The following SYTL2 variants were observed in gnomAD, a reference collection of about 807,000 sequenced individuals.
SYTL2 encodes synaptotagmin-like protein 2.
In SYTL2, 165 loss-of-function variants were observed where a neutral mutation model predicts 198.7. That is an observed-to-expected ratio of 0.83 (90% CI 0.73 to 0.94). SYTL2 has a LOEUF of 0.94. Ranked by LOEUF, SYTL2 falls within the 40% of genes least tolerant of loss-of-function variation. The pLI is 0.00. For missense variants in SYTL2, 2,835 were observed against 2,582.8 expected, an observed-to-expected ratio of 1.10 and a Z score of -2.12; for synonymous variants, 966 against 917.7, an observed-to-expected ratio of 1.05 and a Z score of -0.95.
At chr11:85,848,368 C>T in the SYTL2 span, among the ~76,000 whole-genome samples, 18 of 150,870 alleles carry the variant, frequency 1.2e-4, no homozygotes, top group African/African-American at 4.1e-4. Context: ...TTTTTGTGTC[C>T]TATATAACAC....
chr11:85,758,918 A>G (rs1260809334), intron 1 of SYTL2, among the ~76,000 whole-genome samples: 2 of 152,246 alleles, frequency 1.3e-5, no homozygotes, highest in Admixed American at 1.3e-4. Flanking sequence ...TAACAAGTGC[A>G]GTGCTGAACA....
At chr11:85,812,074 C>G (rs1199023491), upstream of SYTL2, among the ~76,000 whole-genome samples, 2 of 151,910 alleles carry the variant, frequency 1.3e-5, no homozygotes, top group Admixed American at 1.3e-4. Flanking sequence ...ACCACTGCAC[C>G]CCATCCTGGG....
intron 4 of SYTL2, among the ~76,000 whole-genome samples, chr11:85,739,589 G>T (rs1341459524): frequency 6.6e-6 from 1 of 152,026 alleles, no homozygotes; most frequent in Non-Finnish European, 1.5e-5. Flanking sequence ...TTCTCTCAAG[G>T]GATACTATAA....
At chr11:85,853,104 GC>G in the SYTL2 span, 2 of 284,168 alleles carry the variant, frequency 7.0e-6, no homozygotes, top group Non-Finnish European at 1.4e-5. Flanking sequence ...CTGCCCGGCC[GC>G]CCCTTCTGGG....
chr11:85,802,103 C>G (rs1049207660), intron 1 of SYTL2, among the ~76,000 whole-genome samples: 1 of 151,762 alleles, frequency 6.6e-6, no homozygotes, highest in Non-Finnish European at 1.5e-5. Flanking sequence ...CATGGGCCAC[C>G]GTGCCTGGCC....
chr11:85,707,549 ACAG>A lies in SYTL2; in HGVS notation c.5916-21_5916-19del. The A allele has an allele frequency of 4.4e-6, 1 of 228,450 alleles. No homozygotes were observed. The highest frequency in any genetic ancestry group is 7.0e-6 in the Non-Finnish European group (1 of 142,300). The allele number at this position is 228,450 out of a possible 1,614,324, so 14.2% of individuals were successfully genotyped here. A position where few individuals can be genotyped will look rare whatever the true frequency, so the allele number is the denominator to read the frequency against. On this transcript the variant is annotated intron_variant, in intron 14 of 19. Coordinates refer to ENST00000359152, the MANE Select transcript of SYTL2 (RefSeq NM_206927.4). ...TTACATATCTGAAAAGGAGAATTGA[ACAG>A]ACAAAGTCAAAGAAAATAAAAGTTA...
At chr11:85,823,921 C>G in the SYTL2 span, among the ~76,000 whole-genome samples, 1 of 152,326 alleles carries the variant, frequency 6.6e-6, no homozygotes, top group African/African-American at 2.4e-5. Flanking sequence ...GAACTTCCAT[C>G]AGCCACCTTC....
At chr11:85,837,453 C>A in the SYTL2 span, among the ~76,000 whole-genome samples, 2 of 152,198 alleles carry the variant, frequency 1.3e-5, no homozygotes, top group Non-Finnish European at 2.9e-5. Context: ...AAAACCCAAC[C>A]CTGATGGCAC....
chr11:85,802,545 C>T (rs775822928), intron 1 of SYTL2, among the ~76,000 whole-genome samples: 6 of 152,166 alleles, frequency 3.9e-5, no homozygotes, highest in Non-Finnish European at 7.3e-5. Flanking sequence ...AAGCTGTATG[C>T]ATTTCTAACT....
chr11:85,759,613 G>C (rs1027882962), intron 1 of SYTL2, among the ~76,000 whole-genome samples: 1 of 152,090 alleles, frequency 6.6e-6, no homozygotes. Context: ...ACTATACTTA[G>C]TAATATATTT....
chr11:85,706,195 T>G (rs1290838359), intron 15 of SYTL2, among the ~76,000 whole-genome samples: 2 of 152,248 alleles, frequency 1.3e-5, no homozygotes, highest in Non-Finnish European at 2.9e-5. Context: ...TGTGTTGATC[T>G]TTCACACAAA....
At chr11:85,770,570 C>A (rs1383803834) in intron 1 of SYTL2, among the ~76,000 whole-genome samples, 3 of 152,184 alleles carry the variant, frequency 2.0e-5, no homozygotes, top group Non-Finnish European at 4.4e-5. Flanking sequence ...CCTATCCAAT[C>A]TTCTTTCCTA....
the SYTL2 span, among the ~76,000 whole-genome samples, chr11:85,850,329 G>GA: frequency 1.3e-5 from 2 of 151,840 alleles, no homozygotes; most frequent in South Asian, 2.1e-4. Context: ...AAATTTACAA[G>GA]AAAAAAACAA....
At chr11:85,719,138 C>T in intron 9 of SYTL2, 7 of 1,427,472 alleles carry the variant, frequency 4.9e-6, no homozygotes, top group South Asian at 2.5e-5. Flanking sequence ...GGAGAAAGCA[C>T]GGGGCTGCAA....
chr11:85,852,380 G>GGTCTCCCTCTCCCTCTCTATCCACA, the SYTL2 span, among the ~76,000 whole-genome samples: 27 of 151,486 alleles, frequency 1.8e-4, no homozygotes, highest in Non-Finnish European at 2.8e-4. Flanking sequence ...CTCTCCCCAC[G>GGTCTCCCTCTCCCTCTCTATCCACA]GTCTCCCTCT....
chr11:85,814,598 G>A (rs567977729), upstream of SYTL2, among the ~76,000 whole-genome samples: 1 of 152,314 alleles, frequency 6.6e-6, no homozygotes, highest in East Asian at 1.9e-4. Context: ...AATTGAGTAT[G>A]ACCACTCTCT....
At chr11:85,836,693 G>A in the SYTL2 span, among the ~76,000 whole-genome samples, 1 of 151,924 alleles carries the variant, frequency 6.6e-6, no homozygotes. Context: ...CTTAGTAATT[G>A]AAAGAAAACA....
Position 85,725,877 on chromosome 11 carries a change from G to A in SYTL2, c.3481C>T (p.Leu1161Phe). 6.2e-7 allele frequency: 1 copy of A among 1,613,778 alleles called. No individual in the cohort carries two copies. Among genetic ancestry groups the A allele is most frequent in the African/African-American group, 1.3e-5 (1 of 75,016 alleles). ...SGGKVHGKQVLEPSVSENRTW... is the reference protein window; with the variant it reads ...SGGKVHGKQVFEPSVSENRTW... ...CTATTTTCAGAAACACTTGGTTCAAGCACTTGTTTTCCATGAACTTTTCCA... is the reference window on the plus strand; with the variant it reads ...CTATTTTCAGAAACACTTGGTTCAAACACTTGTTTTCCATGAACTTTTCCA... The change falls in exon 8 of 20, where the codon CTT (leucine) becomes TTT (phenylalanine). Residue 1161 changes from leucine to phenylalanine, a missense_variant. Physicochemically the swap from Leu to Phe is conservative, Grantham distance 22. This residue lies in a region of SYTL2 where 2,645 missense variants were observed against 2,381.7 expected (regional missense o/e 1.11). Transcript: ENST00000359152.
intron 19 of SYTL2, 48 bp from the exon 20 acceptor site, chr11:85,695,388 T>G: frequency 6.8e-7 from 1 of 1,472,672 alleles, no homozygotes. Flanking sequence ...TCATTGGGGG[T>G]AGGGGAAAGA....
Sources: gnomAD v4.1 joint callset for allele counts (sites outside exome capture counted in the v4.1 genomes callset) on GRCh38, gnomAD v4.1.1 for gene constraint, gnomAD v4.1.1 regional missense constraint, MANE v1.5 for transcripts, NCBI Gene and HGNC (gene_info 2026-07-23, HGNC 2026-07-21) for gene names.